The following DHX36 variants were observed in gnomAD, a reference collection of about 807,000 sequenced individuals.
DHX36 encodes the protein ATP-dependent DNA/RNA helicase DHX36.
Under a neutral mutation model 139.0 loss-of-function variants are expected in DHX36, and 50 were observed. That is an observed-to-expected ratio of 0.36 (90% CI 0.29 to 0.46). DHX36 has a LOEUF of 0.46. Among genes scored for constraint, DHX36 ranks in the 20% least tolerant of loss-of-function variants. The pLI is 1.00. For synonymous variants in DHX36, 425 were observed against 401.9 expected, an observed-to-expected ratio of 1.06 and a Z score of -0.69; for missense variants, 1,024 against 1,211.3, an observed-to-expected ratio of 0.85 and a Z score of 2.29.
At chr3:154,286,689 TCA>T (rs1209734812) in intron 17 of DHX36, among the ~76,000 whole-genome samples, 1 of 152,100 alleles carries the variant, frequency 6.6e-6, no homozygotes, top group African/African-American at 2.4e-5. Flanking sequence ...TGTAAAGATG[TCA>T]GTTCTCCCCA....
At chr3:154,316,540 A>G (rs1482390527) in intron 1 of DHX36, among the ~76,000 whole-genome samples, 1 of 152,112 alleles carries the variant, frequency 6.6e-6, no homozygotes, top group Non-Finnish European at 1.5e-5. Context: ...GGTTTACGAA[A>G]AAAGTTGAAA....
At position 154,324,242 on chromosome 3, in the gene DHX36, C is replaced by T; in HGVS notation, c.175G>A (p.Gly59Ser). 2 of 1,613,592 alleles carry T rather than the reference C, an allele frequency of 1.2e-6. No homozygotes were observed. Among genetic ancestry groups the T allele is most frequent in the Non-Finnish European group, 1.7e-6 (2 of 1,179,724 alleles). Reference sequence around the variant, plus strand: ...GCGTACCACATGCCGATTTCGCGGCCTTTCAGGTGCCCGGGATGCCGGCCC... The same window carrying T: ...GCGTACCACATGCCGATTTCGCGGCTTTTCAGGTGCCCGGGATGCCGGCCC... ...GRGRHPGHLKGREIGMWYAKK... is the reference protein window; with the variant it reads ...GRGRHPGHLKSREIGMWYAKK... Residue 59 changes from glycine to serine, a missense_variant, in exon 1 of 25, where the codon GGC (glycine) becomes AGC (serine). Gly to Ser is a moderately conservative substitution (Grantham distance 56). This residue lies in a region of DHX36 where 293 missense variants were observed against 274.4 expected (regional missense o/e 1.07). Transcript: ENST00000496811.
chr3:154,277,886 T>C (rs1037659366), intron 22 of DHX36, 168 bp from the exon 23 acceptor site: 79 of 519,740 alleles, frequency 1.5e-4, no homozygotes, highest in Non-Finnish European at 1.6e-4. Flanking sequence ...AAAAAATATA[T>C]TTATATTTGA....
chr3:154,315,475 T>C (rs926745242), intron 2 of DHX36, among the ~76,000 whole-genome samples, 195 bp from the exon 3 acceptor site: 2 of 152,168 alleles, frequency 1.3e-5, no homozygotes, highest in African/African-American at 4.8e-5. Context: ...TCCCTTTAAA[T>C]AGATATTGCC....
At chr3:154,281,500 G>A (rs2108333152) in intron 20 of DHX36, among the ~76,000 whole-genome samples, 1 of 151,996 alleles carries the variant, frequency 6.6e-6, no homozygotes, top group African/African-American at 2.4e-5. Flanking sequence ...TATACTGATA[G>A]AAGAAATGCA....
chr3:154,300,246 TTAG>T (rs886271245), intron 11 of DHX36, among the ~76,000 whole-genome samples: 1 of 152,064 alleles, frequency 6.6e-6, no homozygotes, highest in Non-Finnish European at 1.5e-5. Flanking sequence ...TTTTGTATTT[TTAG>T]TAGAGACAGG....
rs1262115949 is a variant in DHX36, at chr3:154,276,034, G to C, written c.*137C>G. On this transcript the variant is annotated 3_prime_UTR_variant, in exon 25 of 25. Coordinates refer to ENST00000496811, the MANE Select transcript of DHX36 (RefSeq NM_020865.3). ...TATAACATCAAGTCATGCACATTAA[G>C]TCTTTACTACCTACTGAAGGCTTCT... 6.5e-6 allele frequency: 4 copies of C among 614,374 alleles called. No individual in the cohort carries two copies. The highest frequency in any genetic ancestry group is 1.1e-5 in the Non-Finnish European group (4 of 361,138). 38.1% of individuals were successfully genotyped at this position (614,374 alleles called of 1,614,324 possible).
chr3:154,285,578 T>A (rs779433635), intron 17 of DHX36, among the ~76,000 whole-genome samples: 18 of 152,022 alleles, frequency 1.2e-4, no homozygotes, highest in Non-Finnish European at 2.6e-4. Context: ...AGTGCAGAGG[T>A]TGGGGCCTCT....
intron 22 of DHX36, chr3:154,279,185 T>A (rs1367601664): frequency 6.6e-6 from 1 of 152,122 alleles, no homozygotes; most frequent in East Asian, 1.9e-4. Flanking sequence ...TATTTTAGGG[T>A]CTATATTTGG....
chr3:154,311,790 T>G (rs373118570), intron 3 of DHX36, 116 bp from the exon 4 acceptor site: 11 of 661,428 alleles, frequency 1.7e-5, no homozygotes, highest in Admixed American at 3.8e-5. Context: ...ATTTTTATTA[T>G]CTCATGGCTT....
At chr3:154,301,445 G>A (rs2108352255) in intron 9 of DHX36, among the ~76,000 whole-genome samples, 1 of 152,244 alleles carries the variant, frequency 6.6e-6, no homozygotes, top group Non-Finnish European at 1.5e-5. Context: ...TAATATTAAT[G>A]TTAAGTCCAA....
At chr3:154,295,075 C>A (rs1384921544) in intron 13 of DHX36, among the ~76,000 whole-genome samples, 1 of 152,136 alleles carries the variant, frequency 6.6e-6, no homozygotes, top group Non-Finnish European at 1.5e-5. Flanking sequence ...CAAAACTAAT[C>A]TGATTTGTGG....
intron 20 of DHX36, 107 bp from the exon 21 acceptor site, chr3:154,280,969 A>C: frequency 3.7e-6 from 3 of 811,258 alleles, no homozygotes; most frequent in Non-Finnish European, 3.8e-6. Flanking sequence ...TGCTTTATGA[A>C]AACACTTTAG....
chr3:154,279,317 A>T (rs934092188), intron 22 of DHX36: 1 of 152,200 alleles, frequency 6.6e-6, no homozygotes, highest in Non-Finnish European at 1.5e-5. Context: ...CTATAGGTCA[A>T]AATTTGCTGA....
intron 1 of DHX36, chr3:154,319,106 T>C (rs1230383921): frequency 2.0e-5 from 3 of 152,198 alleles, no homozygotes; most frequent in Non-Finnish European, 4.4e-5. Context: ...GGATCTTGCC[T>C]TTTTGTAGGA....
At chr3:154,281,709 G>A (rs1198506054) in intron 20 of DHX36, among the ~76,000 whole-genome samples, 1 of 152,042 alleles carries the variant, frequency 6.6e-6, no homozygotes, top group Admixed American at 6.6e-5. Context: ...TCCCTTTTAT[G>A]AAAGGTGTGA....
intron 14 of DHX36, 128 bp from the exon 15 acceptor site, chr3:154,292,822 T>A (rs1357774584): frequency 5.6e-5 from 78 of 1,384,974 alleles, no homozygotes; most frequent in Non-Finnish European, 6.8e-5. Context: ...ATTTTTTTTT[T>A]ATTACATCAA....
chr3:154,324,409 T>C lies in DHX36; in HGVS notation c.8A>G (p.Tyr3Cys). 2 of 1,533,576 alleles carry C rather than the reference T, an allele frequency of 1.3e-6. No homozygotes were observed. The highest frequency in any genetic ancestry group is 1.4e-5 in the African/African-American group (1 of 72,890). The allele number at this position is 1,533,576 out of a possible 1,614,324, so 95.0% of individuals were successfully genotyped here. The change falls in exon 1 of 25, where the codon TAT (tyrosine) becomes TGT (cysteine). Residue 3 changes from tyrosine (Y) to cysteine (C), a missense_variant. Around this residue, in one of 4 missense-constraint regions of DHX36, gnomAD observed 293 missense variants for 274.4 expected, o/e 1.07. Transcript: ENST00000496811. MS[Y>C]DYHQNWGRDG... ...ACGGCCCCAGTTCTGATGGTAGTCA[T>C]AACTCATTGTCCTGGCAGACTACAA...
At chr3:154,289,511 C>T (rs1260307501) in intron 16 of DHX36, among the ~76,000 whole-genome samples, 198 bp downstream of exon 16, 1 of 152,166 alleles carries the variant, frequency 6.6e-6, no homozygotes, top group Non-Finnish European at 1.5e-5. Context: ...AGCCTGCCTC[C>T]TCTAGAGCAG....
Sources: allele counts gnomAD v4.1 joint callset (sites outside exome capture counted in the v4.1 genomes callset), GRCh38; gene constraint gnomAD v4.1.1; regional missense constraint gnomAD v4.1.1; transcripts MANE v1.5; gene names NCBI Gene and HGNC (gene_info 2026-07-23, HGNC 2026-07-21).